FRY: variants seen among roughly 807,000 people sequenced by gnomAD.
FRY encodes FRY microtubule binding protein, also known as protein furry homolog.
Under a neutral mutation model 348.4 loss-of-function variants are expected in FRY, and 128 were observed. The ratio of observed to expected loss-of-function variants is 0.37; its 90% CI spans 0.32 to 0.43. The LOEUF (loss-of-function observed/expected upper bound fraction) is 0.43. Ranked by LOEUF, FRY falls within the 20% of genes least tolerant of loss-of-function variation. FRY has a pLI of 1.00. For missense variants in FRY, 2,736 were observed against 3,695.2 expected, an observed-to-expected ratio of 0.74 and a Z score of 6.73; for synonymous variants, 1,370 against 1,374.7, an observed-to-expected ratio of 1.00 and a Z score of 0.08.
At chr13:32,093,947 G>A (rs184726797) in intron 2 of FRY, among the ~76,000 whole-genome samples, 27 of 152,278 alleles carry the variant, frequency 1.8e-4, no homozygotes, top group Admixed American at 3.3e-4. Context: ...TAAAGTATAC[G>A]AAGTCTTTCT....
In FRY at chr13:32,151,581, G is replaced by A. The variant is rs569044251; in HGVS notation, c.1479+1747G>A. Among the ~76,000 whole-genome samples the A allele has an allele frequency of 2.1e-4, 32 of 152,324 alleles. 1 individual carries two copies. Among genetic ancestry groups the A allele is most frequent in the Admixed American group, 2.0e-3 (31 of 15,300 alleles). On this transcript the variant is annotated intron_variant, in intron 14 of 60. Transcript: ENST00000542859. ...AGTAGCTTGTGGAACAAGGCCTGGA[G>A]ATCTAAAGGATTATCTTACTGTAAA... is the stretch of plus-strand genomic sequence containing the variant.
At chr13:32,173,577 A>T in intron 19 of FRY, 28 bp downstream of exon 19, 1 of 1,544,870 alleles carries the variant, frequency 6.5e-7, no homozygotes, top group Non-Finnish European at 8.9e-7. Flanking sequence ...GAATTTTTCC[A>T]TTTCTTACTT....
intron 3 of FRY, among the ~76,000 whole-genome samples, chr13:32,105,815 C>G (rs759869327): frequency 6.6e-6 from 1 of 152,092 alleles, no homozygotes; most frequent in Non-Finnish European, 1.5e-5. Flanking sequence ...CTAAATGTCA[C>G]TGGCATGAAC....
intron 31 of FRY, among the ~76,000 whole-genome samples, chr13:32,203,594 A>G (rs2520707): frequency 0.82 from 123,947 of 152,058 alleles, 51,283 homozygotes; most frequent in East Asian, 1. Context: ...ATGGTGGCCC[A>G]CGCCTCTAGT....
chr13:32,254,296 G>A lies in FRY; in HGVS notation c.7318G>A (p.Ala2440Thr). Residue 2440 changes from alanine to threonine, a missense_variant, in exon 51 of 61, where the codon GCC (alanine) becomes ACC (threonine). By Grantham distance (58) the Ala-to-Thr change is moderately conservative (BLOSUM62 0). Transcript: ENST00000542859. ...QTSLVSSEDG[A>T]REQENMDDTN... ...AAGCTTGGTATCTTCTGAGGACGGT[G>A]CCCGAGAGCAGGAGAACATGGATGA... 6 of 1,614,064 alleles carry A rather than the reference G, an allele frequency of 3.7e-6. No homozygotes were observed. The highest frequency in any genetic ancestry group is 5.1e-6 in the Non-Finnish European group (6 of 1,179,994).
At chr13:32,116,290 G>A (rs768675208) in intron 3 of FRY, among the ~76,000 whole-genome samples, 6 of 152,196 alleles carry the variant, frequency 3.9e-5, no homozygotes, top group South Asian at 2.1e-4. Context: ...AACTCTGGGC[G>A]TTATAATTTG....
Position 32,276,499 on chromosome 13 carries a change from C to A in FRY, c.8322C>A (p.Phe2774Leu). ...LSCGLLDKLK[F>L]SVLELQEYLD... The stretch of plus-strand genomic sequence containing the variant: ...GTGGACTTCTGGACAAGCTCAAGTT[C>A]AGTGTGTTAGAACTGCAAGAATATT... Residue 2774 changes from phenylalanine to leucine, a missense_variant, in exon 57 of 61, where the codon TTC becomes TTA. Phe to Leu is a conservative substitution (Grantham distance 22). Coordinates refer to ENST00000542859, the MANE Select transcript of FRY (RefSeq NM_023037.3). 1 of 1,604,838 alleles carries A rather than the reference C, an allele frequency of 6.2e-7. No individual in the cohort carries two copies. The highest frequency in any genetic ancestry group is 1.1e-5 in the South Asian group (1 of 90,892).
Position 32,202,081 on chromosome 13 carries a change from G to T in FRY, c.3846+41G>T. The T allele has an allele frequency of 2.6e-6, 3 of 1,167,038 alleles. No individual in the cohort carries two copies. The South Asian group carries it at 3.7e-5, about 14-fold the overall frequency. The allele number at this position is 1,167,038 out of a possible 1,614,324, so 72.3% of individuals were successfully genotyped here. A position where few individuals can be genotyped will look rare whatever the true frequency, so the allele number is the denominator to read the frequency against. On this transcript the variant is annotated intron_variant, in intron 30 of 60. Coordinates refer to ENST00000542859, the MANE Select transcript of FRY (RefSeq NM_023037.3). The stretch of plus-strand genomic sequence containing the variant: ...TGGCATAGAAAATATCCATCCTTGA[G>T]TACAGAAAATAGAAATGGTAGTTGA...
intron 4 of FRY, among the ~76,000 whole-genome samples, chr13:32,123,155 ACCACCGTC>A (rs1878783327): frequency 6.6e-6 from 1 of 152,186 alleles, no homozygotes; most frequent in Non-Finnish European, 1.5e-5. Context: ...CCATCAAAAT[ACCACCGTC>A]ATTCTTCACA....
At chr13:32,071,207 T>C (rs913430573) in intron 1 of FRY, among the ~76,000 whole-genome samples, 3 of 152,202 alleles carry the variant, frequency 2.0e-5, no homozygotes, top group Admixed American at 2.0e-4. Flanking sequence ...TCTTTTTTGG[T>C]TTCATATGAA....
chr13:32,078,800 A>T (rs1265729197), intron 1 of FRY, 34 bp from the exon 2 acceptor site: 1 of 1,472,390 alleles, frequency 6.8e-7, no homozygotes, highest in Non-Finnish European at 9.5e-7. Flanking sequence ...TGACATTATT[A>T]TCAGCCAGTA....
At chr13:32,148,337 CA>C (rs1880581718) in intron 13 of FRY, among the ~76,000 whole-genome samples, 1 of 151,994 alleles carries the variant, frequency 6.6e-6, no homozygotes, top group Admixed American at 6.5e-5. Flanking sequence ...AACAATTTAG[CA>C]AAATTTGAGG....
chr13:32,136,627 T>G (rs2138780968), intron 10 of FRY, among the ~76,000 whole-genome samples: 1 of 152,356 alleles, frequency 6.6e-6, no homozygotes, highest in South Asian at 2.1e-4. Flanking sequence ...TACATGAAAC[T>G]TCTTTCATTT....
intron 32 of FRY, 75 bp downstream of exon 32, chr13:32,209,184 G>A (rs1009579750): frequency 1.4e-5 from 21 of 1,496,836 alleles, no homozygotes; most frequent in East Asian, 2.3e-5. Context: ...GTCAAACCCC[G>A]GGGAAAATGG....
rs74642778 is a variant in FRY, at chr13:32,213,947, A to G, written c.4682+1565A>G. Among the ~76,000 whole-genome samples the G allele has an allele frequency of 7.7e-4, 117 of 152,354 alleles. 2 individuals are homozygous for G. The East Asian group carries it at 0.021, about 28-fold the overall frequency. On this transcript the variant is annotated intron_variant, in intron 35 of 60. Coordinates refer to ENST00000542859, the MANE Select transcript of FRY (RefSeq NM_023037.3). Reference sequence around the variant, plus strand: ...CTCTGTCACCATATCTCTGCTGGTCATTGGAAAGCCTGATGCAATTATCTA... The same window carrying G: ...CTCTGTCACCATATCTCTGCTGGTCGTTGGAAAGCCTGATGCAATTATCTA...
intron 1 of FRY, among the ~76,000 whole-genome samples, chr13:32,054,062 G>A (rs535423612): frequency 1.2e-4 from 19 of 152,270 alleles, no homozygotes; most frequent in Middle Eastern, 3.4e-3. Context: ...CATTCTAACC[G>A]TGCCTCTAGT....
At chr13:32,267,837 C>T (rs1375605949) in intron 55 of FRY, among the ~76,000 whole-genome samples, 1 of 152,188 alleles carries the variant, frequency 6.6e-6, no homozygotes, top group Non-Finnish European at 1.5e-5. Context: ...AAAAGTCATT[C>T]TTGCTGTTGT....
intron 1 of FRY, among the ~76,000 whole-genome samples, chr13:32,076,909 T>C (rs932780069): frequency 3.9e-5 from 6 of 152,174 alleles, no homozygotes; most frequent in Non-Finnish European, 8.8e-5. Flanking sequence ...GAGCCTTTCA[T>C]AGGTAATGTA....
chr13:32,261,237 C>T (rs1039862136), intron 51 of FRY, among the ~76,000 whole-genome samples: 2 of 152,140 alleles, frequency 1.3e-5, no homozygotes, highest in East Asian at 1.9e-4. Context: ...AAACAGGGGC[C>T]GACCTCAGGG....
Sources: gnomAD v4.1 joint callset for allele counts (sites outside exome capture counted in the v4.1 genomes callset) on GRCh38, gnomAD v4.1.1 for gene constraint, MANE v1.5 for transcripts, NCBI Gene and HGNC (gene_info 2026-07-23, HGNC 2026-07-21) for gene names.